GXYLT2: variants seen among roughly 807,000 people sequenced by gnomAD.
GXYLT2 encodes glucoside xylosyltransferase 2, also known as glycosyltransferase 8 domain containing 4.
A neutral mutation model predicts 45.8 loss-of-function variants in GXYLT2; 53 were observed. The ratio of observed to expected loss-of-function variants is 1.16; its 90% confidence interval spans 0.93 to 1.46. The LOEUF (loss-of-function observed/expected upper bound fraction) is 1.46. Ranked by LOEUF, GXYLT2 falls within the 40% of genes most tolerant of loss-of-function variation. The pLI is 0.00. For missense variants in GXYLT2, 551 were observed against 544.4 expected (o/e 1.01, Z -0.12); for synonymous variants, 219 against 214.2 (o/e 1.02, Z -0.19).
chr3:72,924,123 G>C (rs1341484637), intron 3 of GXYLT2, among the ~76,000 whole-genome samples: 2 of 150,672 alleles, frequency 1.3e-5, no homozygotes. Flanking sequence ...AGTGAGATGA[G>C]AATGAAGCAA....
chr3:72,934,544 C>T (rs1351971449), intron 3 of GXYLT2, among the ~76,000 whole-genome samples: 1 of 152,058 alleles, frequency 6.6e-6, no homozygotes. Flanking sequence ...AATGAATTAG[C>T]GGCATCCACT....
At chr3:72,928,027 T>C (rs1204696900) in intron 3 of GXYLT2, among the ~76,000 whole-genome samples, 1 of 152,236 alleles carries the variant, frequency 6.6e-6, no homozygotes, top group East Asian at 1.9e-4. Flanking sequence ...TCATCAGGAC[T>C]CTGTCTCTCT....
At chr3:72,898,627 G>A (rs998050639) in intron 1 of GXYLT2, among the ~76,000 whole-genome samples, 1 of 152,146 alleles carries the variant, frequency 6.6e-6, no homozygotes, top group African/African-American at 2.4e-5. Context: ...TGTGGAGATC[G>A]TTCCCTGCAC....
intron 3 of GXYLT2, chr3:72,929,718 A>G (rs1472221480): frequency 3.4e-6 from 2 of 593,174 alleles, no homozygotes; most frequent in African/African-American, 3.7e-5. Flanking sequence ...GAAAAAAGAA[A>G]ATATTCACTT....
At chr3:72,905,114 C>T (rs1279992451) in intron 1 of GXYLT2, among the ~76,000 whole-genome samples, 4 of 148,668 alleles carry the variant, frequency 2.7e-5, no homozygotes, top group African/African-American at 9.9e-5. Context: ...AGAAAATAAC[C>T]ACTGTCCTGC....
At chr3:72,889,912 T>G (rs549328349) in intron 1 of GXYLT2, among the ~76,000 whole-genome samples, 145 of 150,008 alleles carry the variant, frequency 9.7e-4, no homozygotes, top group Middle Eastern at 3.4e-3. Flanking sequence ...TTTTTGTTTT[T>G]TTTTTTTTTT....
chr3:72,913,018 C>T (rs1273999790), intron 2 of GXYLT2, among the ~76,000 whole-genome samples: 1 of 151,136 alleles, frequency 6.6e-6, no homozygotes, highest in Non-Finnish European at 1.5e-5. Context: ...TGGTTCATTT[C>T]CTCAGGTTTT....
chr3:72,916,226 C>G lies in GXYLT2; in HGVS notation c.469-5978C>G, dbSNP rs76550053. Reference sequence around the variant, plus strand: ...TTCACTGATGTGAGTTGAGATGGAGCCTCCATGAGTTTGGCCCCTGAGTGA... The same window carrying G: ...TTCACTGATGTGAGTTGAGATGGAGGCTCCATGAGTTTGGCCCCTGAGTGA... On this transcript the variant is annotated intron_variant, in intron 2 of 6. Transcript: ENST00000389617. Among the ~76,000 whole-genome samples, 1,057 of 150,738 alleles carry G rather than the reference C, an allele frequency of 7.0e-3. 22 individuals are homozygous for G. Among genetic ancestry groups the G allele is most frequent in the African/African-American group, 0.024 (996 of 40,936 alleles).
At chr3:72,912,950 C>T (rs1231912506) in intron 2 of GXYLT2, among the ~76,000 whole-genome samples, 1 of 151,756 alleles carries the variant, frequency 6.6e-6, no homozygotes, top group African/African-American at 2.4e-5. Context: ...AAAATTATTG[C>T]AGATAGTTGT....
At position 72,912,041 on chromosome 3, in the gene GXYLT2, C is replaced by T. The variant is rs1236490072; in HGVS notation, c.468+3482C>T. The stretch of plus-strand genomic sequence containing the variant: ...TTTTTTTTTTTTTGAGACAGCGTCT[C>T]GCTCTGTCTCCCAGGCTGAAGTGCA... On this transcript the variant is annotated intron_variant, in intron 2 of 6. Transcript: ENST00000389617. 1.2e-4 allele frequency among the ~76,000 whole-genome samples: 16 copies of T among 137,114 alleles called. No individual in the cohort carries two copies. The East Asian group carries it at 1.2e-3, about 10-fold the overall frequency. The allele number at this position is 137,114 out of a possible 152,430, so 90.0% of individuals were successfully genotyped here. A position where few individuals can be genotyped will look rare whatever the true frequency, so the allele number is the denominator to read the frequency against.
chr3:72,904,884 A>AT (rs1709476798), intron 1 of GXYLT2, among the ~76,000 whole-genome samples: 2 of 51,590 alleles, frequency 3.9e-5, no homozygotes, highest in South Asian at 2.1e-3. Flanking sequence ...ATACAAAAAA[A>AT]AAAAAAAAAA....
At position 72,957,202 on chromosome 3, in the gene GXYLT2, CT is replaced by C; in HGVS notation, c.853-26del. The C allele has an allele frequency of 3.1e-6, 5 of 1,594,382 alleles. No individual in the cohort carries two copies. The South Asian group carries it at 5.7e-5, about 18-fold the overall frequency. On this transcript the variant is annotated intron_variant, in intron 4 of 6. Transcript: ENST00000389617. Reference sequence around the variant, plus strand: ...ACAAAATGTATTTGCTTTGCTTCAGCTGTTCTGATGGTTTTCTTTTTTCCAG... The same window carrying C: ...ACAAAATGTATTTGCTTTGCTTCAGCGTTCTGATGGTTTTCTTTTTTCCAG...
chr3:72,954,206 C>G (rs1710580337), intron 3 of GXYLT2, among the ~76,000 whole-genome samples: 1 of 152,028 alleles, frequency 6.6e-6, no homozygotes, highest in East Asian at 1.9e-4. Flanking sequence ...TCCCCGGGTT[C>G]AAGCGATTCT....
intron 3 of GXYLT2, among the ~76,000 whole-genome samples, chr3:72,951,720 T>G (rs914643441): frequency 1.3e-5 from 2 of 152,240 alleles, no homozygotes; most frequent in African/African-American, 4.8e-5. Context: ...TGCTGAAACT[T>G]TAAATGCTTA....
intron 1 of GXYLT2, among the ~76,000 whole-genome samples, chr3:72,907,223 C>A (rs1024463021): frequency 1.3e-5 from 2 of 152,232 alleles, no homozygotes; most frequent in Non-Finnish European, 2.9e-5. Context: ...TTAGCTGAGC[C>A]ATGAGGCTGT....
chr3:72,967,057 C>G, intron 5 of GXYLT2, among the ~76,000 whole-genome samples: 1 of 152,210 alleles, frequency 6.6e-6, no homozygotes. Context: ...TGTGAGCCAC[C>G]ACACCCAGCC....
chr3:72,908,134 C>T (rs1035032467), intron 1 of GXYLT2: 6 of 410,722 alleles, frequency 1.5e-5, no homozygotes, highest in Admixed American at 4.1e-5. Context: ...AAGCCTCAGA[C>T]ACCTATAGCA....
intron 5 of GXYLT2, among the ~76,000 whole-genome samples, chr3:72,961,826 T>A (rs1394477090): frequency 6.6e-6 from 1 of 152,130 alleles, no homozygotes; most frequent in Non-Finnish European, 1.5e-5. Flanking sequence ...ACAAGGGCAA[T>A]TTCTAGAAAA....
chr3:72,930,362 C>T (rs1334051183), intron 3 of GXYLT2, among the ~76,000 whole-genome samples: 3 of 151,572 alleles, frequency 2.0e-5, no homozygotes, highest in Non-Finnish European at 4.4e-5. Context: ...ATTAGCTGGG[C>T]GTGGTGGCAT....
Sources: allele counts gnomAD v4.1 joint callset (sites outside exome capture counted in the v4.1 genomes callset), GRCh38; gene constraint gnomAD v4.1.1; transcripts MANE v1.5; gene names NCBI Gene and HGNC (gene_info 2026-07-23, HGNC 2026-07-21).